The following MYRFL variants were observed in gnomAD, a reference collection of about 807,000 sequenced individuals.
The protein encoded by MYRFL is myelin regulatory factor-like protein.
Under a neutral mutation model 109.4 loss-of-function variants are expected in MYRFL, and 88 were observed. The observed-to-expected ratio is 0.80, with a 90% confidence interval of 0.68 to 0.96. The LOEUF (loss-of-function observed/expected upper bound fraction) is 0.96. MYRFL is among the 40% of genes least tolerant of loss of function. MYRFL has a pLI of 0.00. For synonymous variants in MYRFL, 324 were observed against 320.9 expected, an observed-to-expected ratio of 1.01 and a Z score of -0.10; for missense variants, 957 against 954.9, an observed-to-expected ratio of 1.00 and a Z score of -0.03.
chr12:69,918,216 G>T (rs1331416891), intron 13 of MYRFL, among the ~76,000 whole-genome samples: 1 of 152,192 alleles, frequency 6.6e-6, no homozygotes, highest in Admixed American at 6.5e-5. Context: ...CTCCAATGAG[G>T]CTTCATGTGC....
In MYRFL at chr12:69,877,285, A is replaced by C. The variant is rs374465135; in HGVS notation, c.138-1743A>C. Among the ~76,000 whole-genome samples, 121 of 152,100 alleles carry C rather than the reference A, an allele frequency of 8.0e-4. No homozygotes were observed. In the Middle Eastern group the frequency reaches 0.02, roughly 26 times the overall value. On this transcript the variant is annotated intron_variant, in intron 2 of 24. Coordinates refer to ENST00000552032, the MANE Select transcript of MYRFL (RefSeq NM_182530.3). ...TGATCCGCCCGCCTCCGCCTCCCAA[A>C]GTGCTGGGATTACAGGCATGAGCCA...
chr12:69,909,117 G>C (rs556266191), intron 11 of MYRFL, among the ~76,000 whole-genome samples: 2 of 152,310 alleles, frequency 1.3e-5, no homozygotes, highest in South Asian at 2.1e-4. Flanking sequence ...ATATGTTAAA[G>C]GTGATTGGTA....
intron 1 of MYRFL, among the ~76,000 whole-genome samples, chr12:69,836,623 CT>C (rs1264245585): frequency 6.6e-6 from 1 of 152,176 alleles, no homozygotes; most frequent in Non-Finnish European, 1.5e-5. Flanking sequence ...AAGAGGGACA[CT>C]TTAAAATCTA....
chr12:69,855,541 G>A (rs924745693), intron 2 of MYRFL, among the ~76,000 whole-genome samples, 171 bp downstream of exon 2: 1 of 152,138 alleles, frequency 6.6e-6, no homozygotes, highest in Non-Finnish European at 1.5e-5. Flanking sequence ...TTTTCTTTGT[G>A]AGAAATTCCA....
intron 10 of MYRFL, 46 bp from the exon 11 acceptor site, chr12:69,903,598 C>A: frequency 1.3e-6 from 2 of 1,517,624 alleles, no homozygotes; most frequent in Non-Finnish European, 1.8e-6. Flanking sequence ...ATCATCTATT[C>A]CTGCTACTGT....
At chr12:69,873,313 T>C (rs536216418) in intron 2 of MYRFL, among the ~76,000 whole-genome samples, 1 of 152,328 alleles carries the variant, frequency 6.6e-6, no homozygotes, top group African/African-American at 2.4e-5. Context: ...TGTGTTGGGC[T>C]GCATCCGTCC....
At chr12:69,852,894 G>A (rs917330149) in intron 1 of MYRFL, among the ~76,000 whole-genome samples, 3 of 152,104 alleles carry the variant, frequency 2.0e-5, no homozygotes, top group African/African-American at 7.2e-5. Context: ...CAGAGAGCAC[G>A]GGGTTGGGGG....
intron 10 of MYRFL, among the ~76,000 whole-genome samples, chr12:69,898,750 A>G (rs1268508847): frequency 1.3e-5 from 2 of 152,212 alleles, no homozygotes; most frequent in African/African-American, 4.8e-5. Flanking sequence ...TCTGCTAGTC[A>G]CCTGCATACT....
At chr12:69,952,227 A>G (rs1955995574) in intron 20 of MYRFL, 52 bp downstream of exon 20, 1 of 1,473,848 alleles carries the variant, frequency 6.8e-7, no homozygotes, top group Non-Finnish European at 9.2e-7. Flanking sequence ...GGCCAGGCCA[A>G]CTAACAAGTT....
chr12:69,950,958 A>T (rs917536723), intron 19 of MYRFL, among the ~76,000 whole-genome samples: 1 of 152,228 alleles, frequency 6.6e-6, no homozygotes, highest in Non-Finnish European at 1.5e-5. Flanking sequence ...GCAAGACATT[A>T]TGGCAGGGGT....
At chr12:69,883,706 T>TTAA (rs1396525805) in intron 5 of MYRFL, among the ~76,000 whole-genome samples, 7 of 125,468 alleles carry the variant, frequency 5.6e-5, no homozygotes, top group Non-Finnish European at 1.1e-4. Flanking sequence ...CTACAAAAAG[T>TTAA]AAAAAAAAAA....
chr12:69,934,584 G>A (rs1021184957), intron 16 of MYRFL, among the ~76,000 whole-genome samples: 1 of 152,142 alleles, frequency 6.6e-6, no homozygotes, highest in African/African-American at 2.4e-5. Context: ...AGAAGAATGA[G>A]GTCACACTGA....
chr12:69,931,519 CAATAAATTAAGCCA>C (rs1351273433), intron 15 of MYRFL, among the ~76,000 whole-genome samples: 1 of 152,148 alleles, frequency 6.6e-6, no homozygotes, highest in Non-Finnish European at 1.5e-5. Context: ...ATAACTAGCC[CAATAAATTAAGCCA>C]AGAACCAATT....
intron 10 of MYRFL, among the ~76,000 whole-genome samples, chr12:69,897,581 G>C (rs1211778189): frequency 6.6e-6 from 1 of 152,198 alleles, no homozygotes; most frequent in Non-Finnish European, 1.5e-5. Flanking sequence ...GAGGTTGAGA[G>C]ACTCTGGTTT....
chr12:69,835,608 G>T lies in MYRFL; in HGVS notation c.46+10045G>T, dbSNP rs144675058. Among the ~76,000 whole-genome samples, 981 of 152,274 alleles carry T rather than the reference G, an allele frequency of 6.4e-3. 11 individuals carry two copies. The highest frequency in any genetic ancestry group is 0.022 in the African/African-American group (894 of 41,542). On this transcript the variant is annotated intron_variant, in intron 1 of 24. Transcript: ENST00000552032. ...GTGTTCTGTATATGTAGTGGATTCC[G>T]TAGATGGAAAGAGAGAAGACAATGA...
At chr12:69,904,176 T>C in intron 11 of MYRFL, 1 of 219,058 alleles carries the variant, frequency 4.6e-6, no homozygotes, top group Non-Finnish European at 9.1e-6. Context: ...TGCCTTTTCC[T>C]TTCTGTCTCC....
intron 1 of MYRFL, among the ~76,000 whole-genome samples, chr12:69,847,542 A>G (rs945728165): frequency 1.3e-5 from 2 of 152,226 alleles, no homozygotes; most frequent in African/African-American, 4.8e-5. Context: ...CACCATTAAC[A>G]TTTTGGATTC....
chr12:69,900,991 A>G (rs1368345488), intron 10 of MYRFL, among the ~76,000 whole-genome samples: 4 of 152,204 alleles, frequency 2.6e-5, no homozygotes, highest in Non-Finnish European at 2.9e-5. Context: ...CTGTTCATGC[A>G]CACATGATTT....
chr12:69,827,550 C>T (rs992295124), intron 1 of MYRFL, among the ~76,000 whole-genome samples: 3 of 151,906 alleles, frequency 2.0e-5, no homozygotes, highest in African/African-American at 7.3e-5. Context: ...ACTCAGACGC[C>T]ATGTGAGATG....
Sources: allele counts gnomAD v4.1 joint callset (sites outside exome capture counted in the v4.1 genomes callset), GRCh38; gene constraint gnomAD v4.1.1; transcripts MANE v1.5; gene names NCBI Gene and HGNC (gene_info 2026-07-23, HGNC 2026-07-21).